Variants in TERB1 observed in about 807,000 individuals in gnomAD.
TERB1 encodes the protein telomere repeats-binding bouquet formation protein 1.
Under a neutral mutation model 92.3 loss-of-function variants are expected in TERB1, and 63 were observed. That is an observed-to-expected ratio of 0.68 (90% CI 0.56 to 0.84). The LOEUF is 0.84. TERB1 is among the 40% of genes least tolerant of loss of function. The pLI, the probability that TERB1 is intolerant of heterozygous loss-of-function variation, is 0.00. For synonymous variants in TERB1, 252 were observed against 283.9 expected, an observed-to-expected ratio of 0.89 and a Z score of 1.13; for missense variants, 709 against 843.7, an observed-to-expected ratio of 0.84 and a Z score of 1.98.
chr16:66,774,185 C>CA (rs2018502427), intron 12 of TERB1, among the ~76,000 whole-genome samples: 1 of 79,984 alleles, frequency 1.3e-5, no homozygotes, highest in Admixed American at 1.4e-4. Flanking sequence ...CCAGCCCAAA[C>CA]GTTTTTTTTT....
At chr16:66,765,474 T>TG (rs1491448284) in intron 16 of TERB1, among the ~76,000 whole-genome samples, 1 of 151,822 alleles carries the variant, frequency 6.6e-6, no homozygotes, top group Non-Finnish European at 1.5e-5. Flanking sequence ...TTTTTTTTTT[T>TG]GGAGACAGAA....
chr16:66,786,429 A>C, intron 6 of TERB1, 144 bp from the exon 7 acceptor site: 1 of 599,774 alleles, frequency 1.7e-6, no homozygotes, highest in Non-Finnish European at 2.9e-6. Flanking sequence ...ACGGTGGATA[A>C]AAATCTGCAA....
At chr16:66,783,362 T>C (rs1277786957) in intron 9 of TERB1, among the ~76,000 whole-genome samples, 1 of 152,262 alleles carries the variant, frequency 6.6e-6, no homozygotes, top group Non-Finnish European at 1.5e-5. Context: ...TTTTCTAGAC[T>C]GTTAATATGA....
intron 2 of TERB1, among the ~76,000 whole-genome samples, chr16:66,800,410 T>TTTTTTTA (rs1959241734): frequency 1.4e-5 from 2 of 147,858 alleles, no homozygotes; most frequent in African/African-American, 4.9e-5. Context: ...TTTTTTTTTT[T>TTTTTTTA]GAGACAGTCT....
At chr16:66,795,040 C>A (rs4783736) in intron 3 of TERB1, among the ~76,000 whole-genome samples, 77,036 of 151,960 alleles carry the variant, frequency 0.51, 20,403 homozygotes, top group African/African-American at 0.64. Context: ...CCCAGTCTAG[C>A]AGAAAATATC....
chr16:66,792,765 C>G (rs1024751361), intron 3 of TERB1, among the ~76,000 whole-genome samples: 6 of 152,122 alleles, frequency 3.9e-5, no homozygotes, highest in African/African-American at 1.4e-4. Flanking sequence ...TAAACCTACA[C>G]AGCATGTTAC....
Position 66,788,304 on chromosome 16 carries a change from T to C in TERB1, c.272-7A>G. ...AAAGTCTGCTGACAGTAAACTGAAA[T>C]ATAAAATATAATTTTAATTTCAATG... On this transcript the variant is annotated splice_region_variant and splice_polypyrimidine_tract_variant and intron_variant, in intron 5 of 18. Transcript: ENST00000433154. 1 of 1,468,760 alleles carries C rather than the reference T, an allele frequency of 6.8e-7. No homozygotes were observed. Among genetic ancestry groups the C allele is most frequent in the Non-Finnish European group, 9.0e-7 (1 of 1,115,872 alleles). The allele number at this position is 1,468,760 out of a possible 1,614,324, so 91.0% of individuals were successfully genotyped here. A position where few individuals can be genotyped will look rare whatever the true frequency, so the allele number is the denominator to read the frequency against.
Position 66,758,849 on chromosome 16 carries a change from T to C in TERB1, c.1931-11A>G. 4.6e-6 allele frequency: 7 copies of C among 1,512,202 alleles called. No individual in the cohort carries two copies. The highest frequency in any genetic ancestry group is 6.3e-6 in the Non-Finnish European group (7 of 1,117,222). The allele number at this position is 1,512,202 out of a possible 1,614,324, so 93.7% of individuals were successfully genotyped here. A position where few individuals can be genotyped will look rare whatever the true frequency, so the allele number is the denominator to read the frequency against. ...GGGTCAGCAGAATTTCTGAAAAATA[T>C]GGAAAACATTTAGCACATTTAGCGT... On this transcript the variant is annotated splice_polypyrimidine_tract_variant and intron_variant, in intron 17 of 18. Coordinates refer to ENST00000433154, the MANE Select transcript of TERB1 (RefSeq NM_001136505.2).
intron 13 of TERB1, among the ~76,000 whole-genome samples, chr16:66,771,581 T>G (rs2018452129): frequency 6.6e-6 from 1 of 152,114 alleles, no homozygotes. Context: ...TTGACTGTAC[T>G]TTAAATGGGT....
chr16:66,793,895 T>C (rs1243190581), intron 3 of TERB1, among the ~76,000 whole-genome samples: 65 of 152,158 alleles, frequency 4.3e-4, no homozygotes, highest in Non-Finnish European at 1.0e-4. Flanking sequence ...TGAAAAACCA[T>C]AGTACAAAGG....
intron 18 of TERB1, chr16:66,758,526 A>G: frequency 3.0e-6 from 1 of 331,576 alleles, no homozygotes; most frequent in Non-Finnish European, 5.5e-6. Context: ...GGATCACTTG[A>G]GGTCAGGAGT....
At chr16:66,801,881 G>A (rs1567483392), upstream of TERB1, among the ~76,000 whole-genome samples, 1 of 152,240 alleles carries the variant, frequency 6.6e-6, no homozygotes, top group Non-Finnish European at 1.5e-5. Flanking sequence ...CGAAGCACAG[G>A]ACGGCGAAGC....
At position 66,775,215 on chromosome 16, in the gene TERB1, GT is replaced by G; in HGVS notation, c.1013del (p.Asn338ThrfsTer7). The G allele has an allele frequency of 6.4e-7, 1 of 1,551,082 alleles. No homozygotes were observed. The highest frequency in any genetic ancestry group is 8.7e-7 in the Non-Finnish European group (1 of 1,146,508). On this transcript the variant is annotated frameshift_variant, in exon 12 of 19. Transcript: ENST00000433154. LOFTEE classifies it high-confidence loss of function. ...CTTGAATCATGAGTGGAAGCCCATT[GT>G]TTTTAAAAAGGTCATACTGATTTTC... ...CEENQYDLFK[N>X]NGLPLMIQAL...
rs915310844 is a variant in TERB1, at chr16:66,759,241, G to A, written c.1830C>T (p.Leu610=). The part of the protein sequence containing the change: ...KSLNSRNFSK[L]LHSCPYQCDR... The stretch of plus-strand genomic sequence containing the variant: ...CACATTGGTATGGGCAAGAGTGCAA[G>A]AGCTTGCTAAAGTTTCGGCTATTCA... The change falls in exon 17 of 19, where the codon CTC becomes CTT. Residue 610 remains leucine, a synonymous_variant. Coordinates refer to ENST00000433154, the MANE Select transcript of TERB1 (RefSeq NM_001136505.2). 1.9e-6 allele frequency: 3 copies of A among 1,548,068 alleles called. No homozygotes were observed. The highest frequency in any genetic ancestry group is 4.0e-5 in the Admixed American group (2 of 49,906).
chr16:66,784,150 C>A lies in TERB1; in HGVS notation c.700+1636G>T, dbSNP rs180716771. Among the ~76,000 whole-genome samples, 16 of 152,278 alleles carry A rather than the reference C, an allele frequency of 1.1e-4. No homozygotes were observed. In the East Asian group the frequency reaches 2.9e-3, roughly 28 times the overall value. ...AGGTAATCTGAGCTTTCTCTCATTA[C>A]TTTGTGATCAGTCTGGCTAGAGGAT... On this transcript the variant is annotated intron_variant, in intron 9 of 18. Transcript: ENST00000433154.
intron 13 of TERB1, 111 bp from the exon 14 acceptor site, chr16:66,770,420 G>A (rs1368855463): frequency 1.4e-6 from 1 of 718,450 alleles, no homozygotes; most frequent in Non-Finnish European, 2.2e-6. Flanking sequence ...ATTGCCAATA[G>A]AACATATATG....
At chr16:66,777,158 C>T (rs750288931) in intron 11 of TERB1, 45 bp downstream of exon 11, 143 of 1,457,286 alleles carry the variant, frequency 9.8e-5, no homozygotes, top group African/African-American at 8.3e-4. Flanking sequence ...AGTATATTTC[C>T]GCTTTACTAT....
intron 5 of TERB1, 101 bp from the exon 6 acceptor site, chr16:66,788,398 A>C: frequency 1.1e-6 from 1 of 925,782 alleles, no homozygotes; most frequent in African/African-American, 1.8e-5. Flanking sequence ...GATGGTTCTT[A>C]ACCAAATCTC....
At chr16:66,762,625 C>T (rs1333371872) in intron 16 of TERB1, among the ~76,000 whole-genome samples, 1 of 151,948 alleles carries the variant, frequency 6.6e-6, no homozygotes, top group Non-Finnish European at 1.5e-5. Context: ...CTTAAGTAAT[C>T]CTCTCCCCTC....
Sources: allele counts gnomAD v4.1 joint callset (sites outside exome capture counted in the v4.1 genomes callset), GRCh38; gene constraint gnomAD v4.1.1; transcripts MANE v1.5; gene names NCBI Gene and HGNC (gene_info 2026-07-23, HGNC 2026-07-21).